The following MATR3 variants were observed in gnomAD, a reference collection of about 807,000 sequenced individuals.
The protein encoded by MATR3 is matrin 3.
In MATR3, 4 loss-of-function variants were observed where a neutral mutation model predicts 85.5. The observed-to-expected ratio is 0.05, with a 90% confidence interval of 0.02 to 0.11. MATR3 has a LOEUF of 0.11. Among genes scored for constraint, MATR3 ranks in the 10% least tolerant of loss-of-function variants. The pLI, the probability that MATR3 is intolerant of heterozygous loss-of-function variation, is 1.00. For missense variants in MATR3, 685 were observed against 1,016.1 expected (o/e 0.67, Z 4.43); for synonymous variants, 336 against 343.1 (o/e 0.98, Z 0.23).
intron 2 of MATR3, among the ~76,000 whole-genome samples, chr5:139,308,647 T>C (rs1754824155): frequency 6.6e-6 from 1 of 152,224 alleles, no homozygotes; most frequent in Admixed American, 6.5e-5. Flanking sequence ...TGAATTGTTT[T>C]AAGTATTTTT....
intron 12 of MATR3, chr5:139,325,192 CA>C (rs562219649): frequency 0.036 from 34,172 of 939,456 alleles, no homozygotes; most frequent in South Asian, 0.047. Flanking sequence ...GACTCCGTCT[CA>C]AAAAAAAAAA....
At chr5:139,284,451 T>G (rs372709395) in intron 3 of MATR3, among the ~76,000 whole-genome samples, 1 of 151,934 alleles carries the variant, frequency 6.6e-6, no homozygotes, top group African/African-American at 2.4e-5. Flanking sequence ...AAGAAAAAAA[T>G]ACAAAAATTA....
chr5:139,317,764 T>C (rs779884604), intron 7 of MATR3, 43 bp downstream of exon 7: 1 of 1,472,042 alleles, frequency 6.8e-7, no homozygotes, highest in Non-Finnish European at 9.4e-7. Context: ...TTCATGCCAC[T>C]AATATATGTT....
intron 1 of MATR3, among the ~76,000 whole-genome samples, chr5:139,304,587 G>A (rs1754615429): frequency 6.6e-6 from 1 of 152,104 alleles, no homozygotes; most frequent in Admixed American, 6.5e-5. Context: ...ATAGTTTTTA[G>A]GGGGGTGCAG....
chr5:139,286,714 C>T (rs1010260563), intron 3 of MATR3, among the ~76,000 whole-genome samples: 8 of 151,752 alleles, frequency 5.3e-5, no homozygotes, highest in East Asian at 2.0e-4. Flanking sequence ...GCTGGTGGCA[C>T]GGGCCTGTAA....
chr5:139,305,677 C>T (rs1204308852), intron 1 of MATR3, among the ~76,000 whole-genome samples: 2 of 152,086 alleles, frequency 1.3e-5, no homozygotes, highest in Non-Finnish European at 2.9e-5. Flanking sequence ...AATCTTAAAG[C>T]TTAAGTAGTT....
Position 139,307,496 on chromosome 5 carries a change from CCTT to C in MATR3, c.85_87del (p.Leu29del). The C allele has an allele frequency of 6.2e-7, 1 of 1,614,014 alleles. No individual in the cohort carries two copies. Among genetic ancestry groups the C allele is most frequent in the African/African-American group, 1.3e-5 (1 of 75,014 alleles). On this transcript the variant is annotated inframe_deletion, in exon 2 of 15. Coordinates refer to ENST00000394805, the MANE Select transcript of MATR3 (RefSeq NM_018834.6). The surrounding 1 kb of genome is among the most constrained non-coding windows in gnomAD (Gnocchi z 4.4). ...GTGACCTGTCTGCGGCAGGAATAGG[CCTT>C]CTTGCTGCTGCTACCCAGTCTTTAA...
chr5:139,275,923 T>C (rs999113046), intron 1 of MATR3, among the ~76,000 whole-genome samples: 26 of 152,222 alleles, frequency 1.7e-4, no homozygotes, highest in African/African-American at 5.8e-4. Context: ...TTTAATCGAC[T>C]CTTTTGCTAC....
In MATR3 at chr5:139,322,669, A is replaced by T; in HGVS notation, c.1850A>T (p.Lys617Met). The change falls in exon 12 of 15, where the codon AAG becomes ATG. Residue 617 changes from lysine (K) to methionine (M), a missense_variant. Physicochemically the swap from Lys to Met is moderately conservative, Grantham distance 95. Around this residue, in one of 9 missense-constraint regions of MATR3, gnomAD observed 215 missense variants for 194.7 expected, o/e 1.10. Transcript: ENST00000394805. Reference protein sequence around the residue: ...DKKSKTDGSQKTESSTEGKEQ... With the variant: ...DKKSKTDGSQMTESSTEGKEQ... ...AAATCCAAAACTGATGGTTCCCAGA[A>T]GACTGAGAGTTCAACCGAAGGTAAA... The T allele has an allele frequency of 6.2e-7, 1 of 1,614,226 alleles. No individual in the cohort carries two copies. The highest frequency in any genetic ancestry group is 8.5e-7 in the Non-Finnish European group (1 of 1,180,034).
chr5:139,325,780 T>A, intron 13 of MATR3, 118 bp downstream of exon 13: 1 of 870,946 alleles, frequency 1.1e-6, no homozygotes, highest in Non-Finnish European at 1.9e-6. Context: ...TTAAATTTGC[T>A]TTGTTTCTAT....
intron 1 of MATR3, among the ~76,000 whole-genome samples, chr5:139,295,248 A>G (rs1754084731): frequency 6.6e-6 from 1 of 152,200 alleles, no homozygotes; most frequent in Non-Finnish European, 1.5e-5. Context: ...AAAAATCAAG[A>G]AAGGCTTGAC....
At chr5:139,274,303 A>T (rs1187909234) in intron 1 of MATR3, 1 of 351,178 alleles carries the variant, frequency 2.8e-6, no homozygotes, top group Non-Finnish European at 5.6e-6. Flanking sequence ...CATCTGAAAG[A>T]GACTTGGGCC....
At chr5:139,318,531 C>T (rs1185784123) in intron 7 of MATR3, among the ~76,000 whole-genome samples, 2 of 152,146 alleles carry the variant, frequency 1.3e-5, no homozygotes, top group South Asian at 2.1e-4. Flanking sequence ...CCTCCACCTC[C>T]CAGGTTCAAG....
intron 3 of MATR3, among the ~76,000 whole-genome samples, chr5:139,281,364 T>TG (rs1219797865): frequency 2.7e-5 from 4 of 147,688 alleles, no homozygotes; most frequent in African/African-American, 5.0e-5. Context: ...TTGTTTTTTT[T>TG]TTTTTTTTTG....
intron 1 of MATR3, among the ~76,000 whole-genome samples, chr5:139,303,113 T>G (rs1176959825): frequency 6.6e-6 from 1 of 152,166 alleles, no homozygotes; most frequent in Non-Finnish European, 1.5e-5. Context: ...TTATTTGTTT[T>G]GTTTTTTGAG....
At chr5:139,278,227 CAA>C (rs1353225493) in intron 2 of MATR3, 8 of 378,494 alleles carry the variant, frequency 2.1e-5, no homozygotes, top group East Asian at 8.2e-5. Flanking sequence ...GACCCTATCT[CAA>C]AAAATATATA....
intron 3 of MATR3, among the ~76,000 whole-genome samples, chr5:139,288,407 CAT>C (rs1753774499): frequency 6.6e-6 from 1 of 152,268 alleles, no homozygotes; most frequent in East Asian, 1.9e-4. Flanking sequence ...CTTATGCAAA[CAT>C]GGGTAGGTGT....
At chr5:139,305,926 T>G (rs1238146729) in intron 1 of MATR3, among the ~76,000 whole-genome samples, 1 of 152,228 alleles carries the variant, frequency 6.6e-6, no homozygotes, top group African/African-American at 2.4e-5. Context: ...TGCTTTAATC[T>G]ATCATTGGTG....
chr5:139,297,917 G>T (rs899448154), intron 1 of MATR3, among the ~76,000 whole-genome samples: 1 of 152,124 alleles, frequency 6.6e-6, no homozygotes, highest in African/African-American at 2.4e-5. Flanking sequence ...AGGTTAGTAG[G>T]AAAACAAGAG....
Sources: gnomAD v4.1 joint callset for allele counts (sites outside exome capture counted in the v4.1 genomes callset) on GRCh38, gnomAD v4.1.1 for gene constraint, gnomAD v4.1.1 regional missense constraint, Gnocchi (gnomAD v3.1) non-coding constraint, MANE v1.5 for transcripts, NCBI Gene and HGNC (gene_info 2026-07-23, HGNC 2026-07-21) for gene names.